Variants in CFAP74 observed in about 807,000 individuals in gnomAD.
The protein encoded by CFAP74 is cilia and flagella associated protein 74.
A neutral mutation model predicts 188.9 loss-of-function variants in CFAP74; 124 were observed. The observed-to-expected ratio is 0.66, with a 90% CI of 0.57 to 0.76. CFAP74 has a LOEUF of 0.76. Among genes scored for constraint, CFAP74 ranks in the 30% least tolerant of loss-of-function variants. The pLI is 0.00. For missense variants in CFAP74, 2,198 were observed against 2,165.2 expected, an observed-to-expected ratio of 1.02 and a Z score of -0.30; for synonymous variants, 956 against 916.7, an observed-to-expected ratio of 1.04 and a Z score of -0.77.
intron 2 of CFAP74, among the ~76,000 whole-genome samples, chr1:1,989,471 A>C (rs554957805): frequency 6.6e-6 from 1 of 152,236 alleles, no homozygotes; most frequent in South Asian, 2.1e-4. Flanking sequence ...CGTTCGGCGT[A>C]GTCATGAACC....
At chr1:1,994,015 T>G (rs1224920810) in intron 1 of CFAP74, among the ~76,000 whole-genome samples, 1 of 150,576 alleles carries the variant, frequency 6.6e-6, no homozygotes, top group Non-Finnish European at 1.5e-5. Context: ...AATAAAAAAA[T>G]GTAGCCAGGC....
Position 1,938,985 on chromosome 1 carries a change from CA to C in CFAP74, c.2880del (p.Phe960LeufsTer23). On this transcript the variant is annotated frameshift_variant and splice_region_variant, in exon 25 of 39. Transcript: ENST00000682832. LOFTEE classifies it high-confidence loss of function. ...QEFGFVRLPK[F>X]VDVQPNDGFG... ...AACCCATCGTTGGGTTGGACGTCCA[CA>C]AACTGGAAATAGAAGAGTGCTCTGA... The C allele has an allele frequency of 6.5e-7, 1 of 1,535,910 alleles. No homozygotes were observed. The highest frequency in any genetic ancestry group is 8.7e-7 in the Non-Finnish European group (1 of 1,146,734).
Position 1,960,016 on chromosome 1 carries a change from C to G in CFAP74, c.1709G>C (p.Gly570Ala). The G allele has an allele frequency of 6.3e-7, 1 of 1,592,648 alleles. No homozygotes were observed. The highest frequency in any genetic ancestry group is 8.5e-7 in the Non-Finnish European group (1 of 1,171,476). ...DFIHVDFDPPGPLSAGMSCEV... is the reference protein window; with the variant it reads ...DFIHVDFDPPAPLSAGMSCEV... ...ACAGGACATTCCGGCTGACAGGGGG[C>G]CAGGGGGGTCAAAGCTGCAGGACGT... Residue 570 changes from glycine (G) to alanine (A), a missense_variant, in exon 15 of 39, where the codon GGC becomes GCC. Coordinates refer to ENST00000682832, the MANE Select transcript of CFAP74 (RefSeq NM_001304360.2).
At chr1:1,964,648 G>C (rs971675919) in intron 13 of CFAP74, among the ~76,000 whole-genome samples, 2 of 152,222 alleles carry the variant, frequency 1.3e-5, no homozygotes, top group African/African-American at 4.8e-5. Context: ...AAATTAGCCA[G>C]GCGTGGTGGC....
chr1:1,941,250 C>A (rs980384147), intron 22 of CFAP74, among the ~76,000 whole-genome samples: 1 of 152,246 alleles, frequency 6.6e-6, no homozygotes, highest in African/African-American at 2.4e-5. Flanking sequence ...CCCTGTTCCC[C>A]TCCTAGTCCC....
rs538259334 is a variant in CFAP74 at position 1,927,225 on chromosome 1, G to A, written c.3528-197C>T. ...GTCTCATCACTCACTTCAGGTCCTC[G>A]TCAGCTGGTGGCTGGAGGCTAGGGG... On this transcript the variant is annotated intron_variant, in intron 28 of 38. Coordinates refer to ENST00000682832, the MANE Select transcript of CFAP74 (RefSeq NM_001304360.2). 25 of 644,326 alleles carry A rather than the reference G, an allele frequency of 3.9e-5. No individual in the cohort carries two copies. The African/African-American group carries it at 4.0e-4, about 10-fold the overall frequency. 39.9% of individuals were successfully genotyped at this position (644,326 alleles called of 1,614,324 possible).
intron 14 of CFAP74, among the ~76,000 whole-genome samples, chr1:1,960,756 T>C (rs1172858675): frequency 1.3e-5 from 2 of 152,140 alleles, no homozygotes; most frequent in African/African-American, 2.4e-5. Context: ...GGGAGGGAAA[T>C]GCTTTGGTGC....
At position 1,959,952 on chromosome 1, in the gene CFAP74, C is replaced by T; in HGVS notation, c.1761+12G>A. On this transcript the variant is annotated intron_variant, in intron 15 of 38. Transcript: ENST00000682832. ...CCTCCCCTTCGAGAGAGAACGGGCC[C>T]CTCTGACTCACCATCGGCTTGAAGG... is the stretch of plus-strand genomic sequence containing the variant. 1 of 1,584,288 alleles carries T rather than the reference C, an allele frequency of 6.3e-7. No individual in the cohort carries two copies. The highest frequency in any genetic ancestry group is 1.1e-5 in the South Asian group (1 of 88,348).
chr1:1,990,782 A>C, intron 2 of CFAP74, 108 bp downstream of exon 2: 1 of 765,796 alleles, frequency 1.3e-6, no homozygotes, highest in South Asian at 1.9e-5. Context: ...TATGAGTGTA[A>C]AAGATACCCT....
At chr1:1,974,536 C>T (rs996329816) in intron 6 of CFAP74, among the ~76,000 whole-genome samples, 3 of 152,198 alleles carry the variant, frequency 2.0e-5, no homozygotes, top group Non-Finnish European at 4.4e-5. Flanking sequence ...CAGGAAGGGA[C>T]AGCCGTGACT....
At chr1:1,956,524 G>A in intron 17 of CFAP74, 96 bp downstream of exon 17, 1 of 1,482,858 alleles carries the variant, frequency 6.7e-7, no homozygotes, top group South Asian at 1.2e-5. Context: ...CAGGCCCACT[G>A]TTGATACCCT....
intron 5 of CFAP74, 151 bp downstream of exon 5, chr1:1,986,786 A>G (rs1295455162): frequency 3.1e-6 from 2 of 640,050 alleles, no homozygotes; most frequent in African/African-American, 1.8e-5. Flanking sequence ...CCGACCTCAC[A>G]TGCTTCTGCA....
chr1:1,964,515 C>T (rs1040812723), intron 13 of CFAP74, among the ~76,000 whole-genome samples: 2 of 152,228 alleles, frequency 1.3e-5, no homozygotes, highest in Non-Finnish European at 2.9e-5. Context: ...GCAGGCCAGG[C>T]GCAGTGGCTC....
At chr1:1,988,427 G>C in intron 4 of CFAP74, 85 bp downstream of exon 4, 1 of 1,543,732 alleles carries the variant, frequency 6.5e-7, no homozygotes, top group South Asian at 1.1e-5. Context: ...GGTGACGACA[G>C]GTACAGGACC....
At chr1:1,964,828 G>A (rs1558033815) in intron 13 of CFAP74, 60 bp downstream of exon 13, 23 of 1,586,488 alleles carry the variant, frequency 1.4e-5, no homozygotes, top group Admixed American at 1.3e-4. Context: ...GGCTGCGGCA[G>A]GGCTCCCCTG....
At chr1:1,966,128 G>T (rs1275367201) in intron 12 of CFAP74, among the ~76,000 whole-genome samples, 5 of 152,228 alleles carry the variant, frequency 3.3e-5, no homozygotes, top group African/African-American at 1.2e-4. Context: ...CTGTCTGTCA[G>T]GGGGAGCTTG....
chr1:2,003,757 T>A lies in CFAP74; in HGVS notation c.-76A>T, dbSNP rs1311668025. The A allele has an allele frequency of 1.3e-5, 2 of 152,486 alleles. No individual in the cohort carries two copies. The highest frequency in any genetic ancestry group is 1.5e-5 in the Non-Finnish European group (1 of 68,250). 9.4% of individuals were successfully genotyped at this position (152,486 alleles called of 1,614,324 possible). On this transcript the variant is annotated 5_prime_UTR_variant, in exon 1 of 39. Transcript: ENST00000682832. ...CTCCGGAGGCACAGACACCCCGGGC[T>A]GCTCAGGCAGGCGGCGGTCCTTGGC...
chr1:1,990,445 A>G (rs1558064587), intron 2 of CFAP74, among the ~76,000 whole-genome samples: 1 of 136,750 alleles, frequency 7.3e-6, no homozygotes, highest in Non-Finnish European at 1.6e-5. Context: ...CACACAACAG[A>G]ACCCAAAACG....
rs552786197 is a variant in CFAP74, at chr1:1,996,686, C to T, written c.-19-5711G>A. 7.2e-5 allele frequency among the ~76,000 whole-genome samples: 11 copies of T among 151,908 alleles called. No homozygotes were observed. In the South Asian group the frequency reaches 1.5e-3, roughly 20 times the overall value. On this transcript the variant is annotated intron_variant, in intron 1 of 38. Transcript: ENST00000682832. ...CTGTGATCTCAGCACTTTTGGAGGC[C>T]GAGGCGGGTGGATCACTTGAGGTCC... is the stretch of plus-strand genomic sequence containing the variant.
Sources: gnomAD v4.1 joint callset for allele counts (sites outside exome capture counted in the v4.1 genomes callset) on GRCh38, gnomAD v4.1.1 for gene constraint, MANE v1.5 for transcripts, NCBI Gene and HGNC (gene_info 2026-07-23, HGNC 2026-07-21) for gene names.